SGSH: variants seen among roughly 807,000 people sequenced by gnomAD.
SGSH encodes the protein N-sulfoglucosamine sulfohydrolase.
Under a neutral mutation model 51.0 loss-of-function variants are expected in SGSH, and 48 were observed. The observed-to-expected ratio is 0.94, with a 90% CI of 0.75 to 1.20. The LOEUF is 1.20. SGSH is among the 50% of genes most tolerant of loss of function. The probability of loss-of-function intolerance (pLI) is 0.00; values close to 1 mark genes in which losing one functional copy is unlikely to be tolerated. For synonymous variants in SGSH, 321 were observed against 313.4 expected (o/e 1.02, Z -0.26); for missense variants, 662 against 717.8 (o/e 0.92, Z 0.89).
chr17:80,211,800 G>T, intron 7 of SGSH: 1 of 534,324 alleles, frequency 1.9e-6, no homozygotes, highest in African/African-American at 1.9e-5. Context: ...CTCATCGGAG[G>T]TAGGCGGGGA....
At position 80,217,836 on chromosome 17, in the gene SGSH, C is replaced by G. The variant is rs1419787103; in HGVS notation, c.89-644G>C. ...CCAAGTGGGCATGATAAGCAGGCATCATACCACAATAAGCTTGATGATACC... is the reference window on the plus strand; with the variant it reads ...CCAAGTGGGCATGATAAGCAGGCATGATACCACAATAAGCTTGATGATACC... On this transcript the variant is annotated intron_variant, in intron 1 of 7. Coordinates refer to ENST00000326317, the MANE Select transcript of SGSH (RefSeq NM_000199.5). 3.3e-5 allele frequency among the ~76,000 whole-genome samples: 5 copies of G among 149,778 alleles called. No individual in the cohort carries two copies. The East Asian group carries it at 9.9e-4, about 30-fold the overall frequency.
In SGSH at chr17:80,210,079, A is replaced by G; in HGVS notation, c.*373T>C. 8.9e-7 allele frequency: 1 copy of G among 1,127,668 alleles called. No homozygotes were observed. The highest frequency in any genetic ancestry group is 1.1e-6 in the Non-Finnish European group (1 of 915,496). 69.9% of individuals were successfully genotyped at this position (1,127,668 alleles called of 1,614,324 possible). On this transcript the variant is annotated 3_prime_UTR_variant, in exon 8 of 8. Coordinates refer to ENST00000326317, the MANE Select transcript of SGSH (RefSeq NM_000199.5). ...GCCTGAAGAGGGCCTCAGGCCTCCC[A>G]TTTGCAGGTCCCCAAACCAAGCCAG...
chr17:80,217,572 C>A (rs778085848), intron 1 of SGSH, among the ~76,000 whole-genome samples: 1 of 152,176 alleles, frequency 6.6e-6, no homozygotes, highest in Non-Finnish European at 1.5e-5. Context: ...GGTGCCCAGG[C>A]AGGCCTGATA....
Position 80,209,486 on chromosome 17 carries a change from G to A in SGSH, c.*966C>T. The A allele has an allele frequency of 1.0e-6, 1 of 985,514 alleles. No homozygotes were observed. Among genetic ancestry groups the A allele is most frequent in the South Asian group, 4.7e-5 (1 of 21,292 alleles). 61.0% of individuals were successfully genotyped at this position (985,514 alleles called of 1,614,324 possible). ...GGCTTCTGCTCCCGAGGTGGGTGGA[G>A]GCAGGGCAGGAACGGCACATTCTCC... is the stretch of plus-strand genomic sequence containing the variant. On this transcript the variant is annotated 3_prime_UTR_variant, in exon 8 of 8. Coordinates refer to ENST00000326317, the MANE Select transcript of SGSH (RefSeq NM_000199.5).
At chr17:80,211,551 A>G (rs977194341) in intron 7 of SGSH, 3 of 269,992 alleles carry the variant, frequency 1.1e-5, no homozygotes, top group African/African-American at 4.5e-5. Context: ...CATCCATAAC[A>G]TGGGACTAGA....
Position 80,213,298 on chromosome 17 carries a change from G to C in SGSH, c.745+506C>G, listed in dbSNP as rs2041749784. On this transcript the variant is annotated intron_variant, in intron 6 of 7. Coordinates refer to ENST00000326317, the MANE Select transcript of SGSH (RefSeq NM_000199.5). This position sits in a 1 kb window ranked among gnomAD's most constrained non-coding sequence, Gnocchi z 4.6. ...GGGGGCGATTCTGCCGCCAGCCCAGGAACGCCCAGCACTGGCACAGCCCCC... is the reference window on the plus strand; with the variant it reads ...GGGGGCGATTCTGCCGCCAGCCCAGCAACGCCCAGCACTGGCACAGCCCCC... 1 of 155,602 alleles carries C rather than the reference G, an allele frequency of 6.4e-6. No individual in the cohort carries two copies. Among genetic ancestry groups the C allele is most frequent in the Non-Finnish European group, 1.4e-5 (1 of 70,436 alleles). The allele number at this position is 155,602 out of a possible 1,614,324, so 9.6% of individuals were successfully genotyped here. A position where few individuals can be genotyped will look rare whatever the true frequency, so the allele number is the denominator to read the frequency against.
At chr17:80,211,783 T>G (rs1409129469) in intron 7 of SGSH, 1 of 500,382 alleles carries the variant, frequency 2.0e-6, no homozygotes, top group Non-Finnish European at 3.7e-6. Flanking sequence ...CCCAGGTGAT[T>G]CTGAAGCTCA....
In SGSH at chr17:80,210,312, C is replaced by A; in HGVS notation, c.*140G>T. ...CCAGGCAATGGCAAGAGTGACCCCA[C>A]AGGAAGGAAGAACCCTCCTTGGATG... On this transcript the variant is annotated 3_prime_UTR_variant, in exon 8 of 8. Coordinates refer to ENST00000326317, the MANE Select transcript of SGSH (RefSeq NM_000199.5). 1 of 1,439,576 alleles carries A rather than the reference C, an allele frequency of 6.9e-7. No individual in the cohort carries two copies. Among genetic ancestry groups the A allele is most frequent in the Non-Finnish European group, 9.1e-7 (1 of 1,100,000 alleles). The allele number at this position is 1,439,576 out of a possible 1,614,324, so 89.2% of individuals were successfully genotyped here. A position where few individuals can be genotyped will look rare whatever the true frequency, so the allele number is the denominator to read the frequency against.
Position 80,210,661 on chromosome 17 carries a change from C to G in SGSH, c.1300G>C (p.Ala434Pro), listed in dbSNP as rs778242416. 1.9e-6 allele frequency: 3 copies of G among 1,613,896 alleles called. No individual in the cohort carries two copies. Among genetic ancestry groups the G allele is most frequent in the Non-Finnish European group, 8.5e-7 (1 of 1,179,916 alleles). Residue 434 changes from alanine (A) to proline (P), a missense_variant, in exon 8 of 8, where the codon GCG (alanine) becomes CCG (proline). Coordinates refer to ENST00000326317, the MANE Select transcript of SGSH (RefSeq NM_000199.5). ...YKDLRHYYYRARWELYDRSRD... is the reference protein window; with the variant it reads ...YKDLRHYYYRPRWELYDRSRD... ...CTCCGGTCGTAGAGCTCCCAGCGCG[C>G]CCGGTAGTAGTAATGACGGAGGTCC...
chr17:80,211,699 T>C, intron 7 of SGSH: 2 of 360,282 alleles, frequency 5.6e-6, no homozygotes, highest in Non-Finnish European at 5.4e-6. Flanking sequence ...TTGTCAGACA[T>C]GCAAATTCTT....
At chr17:80,204,911 C>A (rs2041198631), downstream of SGSH, 3 of 796,664 alleles carry the variant, frequency 3.8e-6, no homozygotes, top group Non-Finnish European at 5.8e-6. Flanking sequence ...GAGCCTGTGC[C>A]CCTGGAATTC....
chr17:80,203,999 A>C, downstream of SGSH: 1 of 910,144 alleles, frequency 1.1e-6, no homozygotes. The surrounding 1 kb of genome is among the most constrained non-coding windows in gnomAD (Gnocchi z 4.6). Context: ...TTGGAGGGTA[A>C]CCCCACCTGT....
At chr17:80,220,136 G>T in intron 1 of SGSH, 90 bp downstream of exon 1, 2 of 914,730 alleles carry the variant, frequency 2.2e-6, no homozygotes, top group Non-Finnish European at 3.2e-6. Context: ...GGCACACTAG[G>T]GTCAGCATTG....
At chr17:80,207,288 C>T (rs956895275), downstream of SGSH, among the ~76,000 whole-genome samples, 8 of 152,212 alleles carry the variant, frequency 5.3e-5, no homozygotes, top group Admixed American at 1.3e-4. Flanking sequence ...TGGTGGCTCA[C>T]GCCTGTAATC....
downstream of SGSH, chr17:80,204,957 C>T: frequency 7.7e-7 from 1 of 1,293,288 alleles, no homozygotes; most frequent in South Asian, 1.5e-5. Flanking sequence ...CAAAGCAGAC[C>T]CAGTCCCTCC....
intron 7 of SGSH, chr17:80,211,351 T>G: frequency 2.4e-6 from 1 of 418,846 alleles, no homozygotes; most frequent in South Asian, 2.3e-5. Flanking sequence ...CAGAGAGAGA[T>G]GTGGGCCCCA....
At position 80,214,624 on chromosome 17, in the gene SGSH, T is replaced by A; in HGVS notation, c.497A>T (p.Gln166Leu). Residue 166 changes from glutamine to leucine, a missense_variant, in exon 4 of 8, where the codon CAG (glutamine) becomes CTG (leucine). By Grantham distance (113) the Gln-to-Leu change is moderately radical. Coordinates refer to ENST00000326317, the MANE Select transcript of SGSH (RefSeq NM_000199.5). ...KLLVRKFLQT[Q>L]DDRPFFLYVA... is the part of the protein sequence containing the mutation. Reference sequence around the variant, plus strand: ...GGGCCCCGACTCATACCGGTCATCCTGAGTCTGCAGGAATTTCCGGACGAG... The same window carrying A: ...GGGCCCCGACTCATACCGGTCATCCAGAGTCTGCAGGAATTTCCGGACGAG... 1 of 1,613,008 alleles carries A rather than the reference T, an allele frequency of 6.2e-7. No homozygotes were observed. Among genetic ancestry groups the A allele is most frequent in the Non-Finnish European group, 8.5e-7 (1 of 1,179,812 alleles).
rs1319381190 is a variant in SGSH, at chr17:80,212,453, C to T, written c.746-179G>A. The stretch of plus-strand genomic sequence containing the variant: ...CTCTTGCCCAGCTCTTGCCCAGCTC[C>T]GCCCAGCTCCCATTCCCTGAGCAGG... On this transcript the variant is annotated intron_variant, in intron 6 of 7. Coordinates refer to ENST00000326317, the MANE Select transcript of SGSH (RefSeq NM_000199.5). This position sits in a 1 kb window ranked among gnomAD's most constrained non-coding sequence, Gnocchi z 5.9. The T allele has an allele frequency of 6.0e-6, 4 of 661,366 alleles. No individual in the cohort carries two copies. The highest frequency in any genetic ancestry group is 2.7e-6 in the Non-Finnish European group (1 of 364,870). The allele number at this position is 661,366 out of a possible 1,614,324, so 41.0% of individuals were successfully genotyped here.
chr17:80,203,795 G>T (rs1322377791), downstream of SGSH: 3 of 1,549,918 alleles, frequency 1.9e-6, no homozygotes, highest in South Asian at 1.2e-5. This position sits in a 1 kb window ranked among gnomAD's most constrained non-coding sequence, Gnocchi z 4.6. Flanking sequence ...GAGGCAGCTG[G>T]GTCAGGGCCT....
Sources: allele counts gnomAD v4.1 joint callset (sites outside exome capture counted in the v4.1 genomes callset), GRCh38; gene constraint gnomAD v4.1.1; non-coding constraint Gnocchi (gnomAD v3.1); transcripts MANE v1.5; gene names NCBI Gene and HGNC (gene_info 2026-07-23, HGNC 2026-07-21).